The following MOGS variants were observed in gnomAD, a reference collection of about 807,000 sequenced individuals.
MOGS encodes the protein epididymis secretory sperm binding protein.
In MOGS, 45 loss-of-function variants were observed where a neutral mutation model predicts 68.5. That is an observed-to-expected ratio of 0.66 (90% CI 0.52 to 0.84). MOGS has a LOEUF of 0.84. Ranked by LOEUF, MOGS falls within the 40% of genes least tolerant of loss-of-function variation. MOGS has a pLI of 0.00. For synonymous variants in MOGS, 492 were observed against 461.2 expected, an observed-to-expected ratio of 1.07 and a Z score of -0.86; for missense variants, 1,020 against 1,095.0, an observed-to-expected ratio of 0.93 and a Z score of 0.97.
Position 74,462,320 on chromosome 2 carries a change from A to C in MOGS, c.1469T>G (p.Leu490Arg). The C allele has an allele frequency of 6.2e-7, 1 of 1,613,952 alleles. No individual in the cohort carries two copies. Among genetic ancestry groups the C allele is most frequent in the Non-Finnish European group, 8.5e-7 (1 of 1,180,004 alleles). The change falls in exon 4 of 4, where the codon CTG becomes CGG. Residue 490 changes from leucine to arginine, a missense_variant. Around this residue, in one of 3 missense-constraint regions of MOGS, gnomAD observed 181 missense variants for 261.8 expected, o/e 0.69. Transcript: ENST00000448666. ...CACCCGGGCTCGGGCCTCATCCCCC[A>C]GTATCTGCTCCCTCCCAATCCAGCC... ...ADGWIGREQI[L>R]GDEARARVPP...
chr2:74,464,606 CGAA>C lies in MOGS; in HGVS notation c.466_468del (p.Phe156del), dbSNP rs1206965435. 1.2e-6 allele frequency: 2 copies of C among 1,613,940 alleles called. No homozygotes were observed. The highest frequency in any genetic ancestry group is 1.7e-6 in the Non-Finnish European group (2 of 1,180,032). On this transcript the variant is annotated inframe_deletion, in exon 2 of 4. Coordinates refer to ENST00000448666, the MANE Select transcript of MOGS (RefSeq NM_006302.3). Reference sequence around the variant, plus strand: ...GCCCCATCCTGGATGTGTTGGCGCCCGAAGGAGAGGCCGTCGTGGAACTCCCAG... The same window carrying C: ...GCCCCATCCTGGATGTGTTGGCGCCCGGAGAGGCCGTCGTGGAACTCCCAG...
Position 74,461,805 on chromosome 2 carries a change from C to T in MOGS, c.1984G>A (p.Val662Ile), listed in dbSNP as rs1178747440. Residue 662 changes from valine to isoleucine, a missense_variant, in exon 4 of 4, where the codon GTA becomes ATA. By Grantham distance (29) the Val-to-Ile change is conservative. Around this residue, in one of 3 missense-constraint regions of MOGS, gnomAD observed 270 missense variants for 261.3 expected, o/e 1.03. Transcript: ENST00000448666. Reference sequence around the variant, plus strand: ...TGAGGGGGCCTGGGCTTCAGCTGTACTGCTTTTGTGTGGTTCCCAAAGTCT... The same window carrying T: ...TGAGGGGGCCTGGGCTTCAGCTGTATTGCTTTTGTGTGGTTCCCAAAGTCT... The part of the protein sequence containing the change: ...FADFGNHTKA[V>I]QLKPRPPQGL... 1 of 1,614,080 alleles carries T rather than the reference C, an allele frequency of 6.2e-7. No homozygotes were observed. The highest frequency in any genetic ancestry group is 1.3e-5 in the African/African-American group (1 of 74,924).
At position 74,463,252 on chromosome 2, in the gene MOGS, A is replaced by G; in HGVS notation, c.714T>C (p.Gly238=). ...KFISGHTSEL[G]DFRFTLLPPT... The stretch of plus-strand genomic sequence containing the variant: ...GTGGCAAAAGTGTAAAGCGGAAGTC[A>G]CCAAGTTCACTGGTGTGCCCACTGA... Residue 238 remains glycine (G), a synonymous_variant, in exon 3 of 4, where the codon GGT becomes GGC. Coordinates refer to ENST00000448666, the MANE Select transcript of MOGS (RefSeq NM_006302.3). The G allele has an allele frequency of 6.2e-7, 1 of 1,614,186 alleles. No homozygotes were observed. The highest frequency in any genetic ancestry group is 8.5e-7 in the Non-Finnish European group (1 of 1,180,030).
Position 74,461,845 on chromosome 2 carries a change from C to T in MOGS, c.1944G>A (p.Glu648=), listed in dbSNP as rs201547060. The T allele has an allele frequency of 1.9e-4, 307 of 1,614,150 alleles. 2 individuals are homozygous for T. In the African/African-American group the frequency reaches 3.7e-3, roughly 19 times the overall value. The change falls in exon 4 of 4, where the codon GAG becomes GAA. Residue 648 remains glutamate (E), a synonymous_variant. Coordinates refer to ENST00000448666, the MANE Select transcript of MOGS (RefSeq NM_006302.3). ...ESLDELHWAP[E]LGVFADFGNH... ...TCCCAAAGTCTGCAAAGACTCCTAG[C>T]TCTGGGGCCCAGTGCAGCTCATCCA...
Position 74,462,858 on chromosome 2 carries a change from G to C in MOGS, c.931C>G (p.Pro311Ala), listed in dbSNP as rs753466617. 9 of 1,614,164 alleles carry C rather than the reference G, an allele frequency of 5.6e-6. No homozygotes were observed. In the Admixed American group the frequency reaches 1.5e-4, roughly 27 times the overall value. Residue 311 changes from proline to alanine, a missense_variant, in exon 4 of 4, where the codon CCA becomes GCA. By Grantham distance (27) the Pro-to-Ala change is conservative. Transcript: ENST00000448666. Reference protein sequence around the residue: ...PGSLKWEDRGPSGQGQGQFLI... With the variant: ...PGSLKWEDRGASGQGQGQFLI... ...AACTGCCCCTGCCCTTGCCCACTTGGACCTCTGTCCTCCCACTTCAGGGAT... is the reference window on the plus strand; with the variant it reads ...AACTGCCCCTGCCCTTGCCCACTTGCACCTCTGTCCTCCCACTTCAGGGAT...
Position 74,461,763 on chromosome 2 carries a change from C to G in MOGS, c.2026G>C (p.Val676Leu), listed in dbSNP as rs762931646. The G allele has an allele frequency of 6.2e-7, 1 of 1,614,222 alleles. No individual in the cohort carries two copies. The highest frequency in any genetic ancestry group is 1.1e-5 in the South Asian group (1 of 91,088). ...PRPPQGLVRVVGRPQPQLQYV... is the reference protein window; with the variant it reads ...PRPPQGLVRVLGRPQPQLQYV... ...TGCAGTTGAGGTTGGGGCCGACCCA[C>G]CACCCGAACGAGCCCCTGAGGGGGC... The change falls in exon 4 of 4, where the codon GTG (valine) becomes CTG (leucine). Residue 676 changes from valine to leucine, a missense_variant. Coordinates refer to ENST00000448666, the MANE Select transcript of MOGS (RefSeq NM_006302.3).
Position 74,462,005 on chromosome 2 carries a change from TCGGTTAC to T in MOGS, c.1777_1783del (p.Val593SerfsTer17). 1 of 1,614,010 alleles carries T rather than the reference TCGGTTAC, an allele frequency of 6.2e-7. No individual in the cohort carries two copies. Among genetic ancestry groups the T allele is most frequent in the Non-Finnish European group, 8.5e-7 (1 of 1,179,978 alleles). ...CCAACATCGCAGGTCCAGGTGCCGCTCGGTTACTGAAGGGTGTGAAGCCCGGGGGTAG... is the reference window on the plus strand; with the variant it reads ...CCAACATCGCAGGTCCAGGTGCCGCTTGAAGGGTGTGAAGCCCGGGGGTAG... On this transcript the variant is annotated frameshift_variant, in exon 4 of 4. Transcript: ENST00000448666. LOFTEE classifies it high-confidence loss of function.
intron 2 of MOGS, chr2:74,463,660 C>CTTTTTTTTTTTT: frequency 5.3e-6 from 1 of 188,218 alleles, no homozygotes; most frequent in Non-Finnish European, 9.8e-6. Context: ...TCATTTAATT[C>CTTTTTTTTTTTT]TTTTTTTTTT....
Position 74,465,316 on chromosome 2 carries a change from C to G in MOGS, c.-69G>C, listed in dbSNP as rs1672039550. On this transcript the variant is annotated 5_prime_UTR_variant, in exon 1 of 4. Transcript: ENST00000448666. ...GTGGAGCCCGGGTCCTGCCTCACCT[C>G]TCCGGCTCCCGCCTCTCGCCCTGGC... 8.4e-7 allele frequency: 1 copy of G among 1,183,614 alleles called. No individual in the cohort carries two copies. The highest frequency in any genetic ancestry group is 1.1e-6 in the Non-Finnish European group (1 of 918,460). 73.3% of individuals were successfully genotyped at this position (1,183,614 alleles called of 1,614,324 possible). A position where few individuals can be genotyped will look rare whatever the true frequency, so the allele number is the denominator to read the frequency against.
In MOGS at chr2:74,464,852, C is replaced by T. The variant is rs181779817; in HGVS notation, c.352+44G>A. On this transcript the variant is annotated intron_variant, in intron 1 of 3. Coordinates refer to ENST00000448666, the MANE Select transcript of MOGS (RefSeq NM_006302.3). Reference sequence around the variant, plus strand: ...TGCTCTCGCTTCAAGCTGGGGCGCCCAGATTAGGAGTCCGCCTGCCTGCCC... The same window carrying T: ...TGCTCTCGCTTCAAGCTGGGGCGCCTAGATTAGGAGTCCGCCTGCCTGCCC... 216 of 1,585,092 alleles carry T rather than the reference C, an allele frequency of 1.4e-4. No individual in the cohort carries two copies. The East Asian group carries it at 4.6e-3, about 34-fold the overall frequency.
rs188713784 is a variant in MOGS at position 74,462,911 on chromosome 2, G to C, written c.878C>G (p.Pro293Arg). ...SWFQHRPPGA[P>R]PERYLGLPGS... Reference sequence around the variant, plus strand: ...TGGCAAGCCGAGGTAGCGTTCAGGGGGGGCCCCTGGGGGCCGATGCTGAAA... The same window carrying C: ...TGGCAAGCCGAGGTAGCGTTCAGGGCGGGCCCCTGGGGGCCGATGCTGAAA... The change falls in exon 4 of 4, where the codon CCC (proline) becomes CGC (arginine). Residue 293 changes from proline (P) to arginine (R), a missense_variant. Transcript: ENST00000448666. The C allele has an allele frequency of 3.2e-5, 51 of 1,614,166 alleles. No homozygotes were observed. The East Asian group carries it at 6.7e-4, about 21-fold the overall frequency.
rs765917880 is a variant in MOGS at position 74,462,517 on chromosome 2, C to T, written c.1272G>A (p.Val424=). 28 of 1,607,570 alleles carry T rather than the reference C, an allele frequency of 1.7e-5. No individual in the cohort carries two copies. The highest frequency in any genetic ancestry group is 2.2e-5 in the Non-Finnish European group (26 of 1,175,752). The change falls in exon 4 of 4, where the codon GTG becomes GTA. Residue 424 remains valine, a synonymous_variant. Coordinates refer to ENST00000448666, the MANE Select transcript of MOGS (RefSeq NM_006302.3). ...DIGVEGSEQK[V]DPALFPPVPL... is the part of the protein sequence containing the mutation. ...GTACGGGTGGAAAGAGGGCTGGGTC[C>T]ACCTTCTGCTCAGACCCTTCCACCC...
chr2:74,461,250 C>A lies in MOGS; in HGVS notation c.*25G>T, dbSNP rs1188572163. ...TTCAGAGCCAGAGTGGCATGAGTGT[C>A]TTGGCTCCCCTCCTCTCCCTCCCTT... On this transcript the variant is annotated 3_prime_UTR_variant, in exon 4 of 4. Coordinates refer to ENST00000448666, the MANE Select transcript of MOGS (RefSeq NM_006302.3). 2 of 1,613,328 alleles carry A rather than the reference C, an allele frequency of 1.2e-6. No homozygotes were observed. Among genetic ancestry groups the A allele is most frequent in the Admixed American group, 3.3e-5 (2 of 60,030 alleles).
chr2:74,462,693 C>T lies in MOGS; in HGVS notation c.1096G>A (p.Glu366Lys). Reference sequence around the variant, plus strand: ...TTCTCAAAGCGCTCTCTAAAGCCTTCAGCATGGCTCTCCAGGGCCTGGGTC... The same window carrying T: ...TTCTCAAAGCGCTCTCTAAAGCCTTTAGCATGGCTCTCCAGGGCCTGGGTC... ...LLTQALESHAEGFRERFEKTF... is the reference protein window; with the variant it reads ...LLTQALESHAKGFRERFEKTF... The change falls in exon 4 of 4, where the codon GAA (glutamate) becomes AAA (lysine). Residue 366 changes from glutamate to lysine, a missense_variant. Physicochemically the swap from Glu to Lys is moderately conservative, Grantham distance 56. Around this residue, in one of 3 missense-constraint regions of MOGS, gnomAD observed 569 missense variants for 571.9 expected, o/e 0.99. Coordinates refer to ENST00000448666, the MANE Select transcript of MOGS (RefSeq NM_006302.3). 6.2e-7 allele frequency: 1 copy of T among 1,614,266 alleles called. No homozygotes were observed. Among genetic ancestry groups the T allele is most frequent in the Middle Eastern group, 1.6e-4 (1 of 6,062 alleles).
chr2:74,462,994 G>A lies in MOGS; in HGVS notation c.795C>T (p.Thr265=). 6.2e-7 allele frequency: 1 copy of A among 1,614,058 alleles called. No individual in the cohort carries two copies. Among genetic ancestry groups the A allele is most frequent in the Non-Finnish European group, 8.5e-7 (1 of 1,180,034 alleles). Residue 265 remains threonine, a synonymous_variant, in exon 4 of 4, where the codon ACC becomes ACT. Coordinates refer to ENST00000448666, the MANE Select transcript of MOGS (RefSeq NM_006302.3). ...TCAGCAGGGGCAGTCCTGGGTTGGA[G>A]GTCCAGAAGACATTGTAGCTTGAAG... ...PKYGSYNVFW[T]SNPGLPLLTE...
At chr2:74,463,169 A>G (rs1399212558) in intron 3 of MOGS, 21 bp downstream of exon 3, 10 of 1,613,852 alleles carry the variant, frequency 6.2e-6, no homozygotes, top group Non-Finnish European at 8.5e-6. Flanking sequence ...CCATCCCCCA[A>G]CATTCTTTTC....
Position 74,463,398 on chromosome 2 carries a change from A to G in MOGS, c.580-12T>C. 2 of 1,612,700 alleles carry G rather than the reference A, an allele frequency of 1.2e-6. No homozygotes were observed. Among genetic ancestry groups the G allele is most frequent in the Middle Eastern group, 1.7e-4 (1 of 6,058 alleles). On this transcript the variant is annotated splice_polypyrimidine_tract_variant and intron_variant, in intron 2 of 3. Coordinates refer to ENST00000448666, the MANE Select transcript of MOGS (RefSeq NM_006302.3). Reference sequence around the variant, plus strand: ...GAAGTACCTGAGTCCTGAGTGACCAACGAGGACAGAAAAGAACAGTGTTAG... The same window carrying G: ...GAAGTACCTGAGTCCTGAGTGACCAGCGAGGACAGAAAAGAACAGTGTTAG...
Position 74,461,420 on chromosome 2 carries a change from T to C in MOGS, c.2369A>G (p.Asn790Ser). The C allele has an allele frequency of 6.2e-7, 1 of 1,614,210 alleles. No individual in the cohort carries two copies. The highest frequency in any genetic ancestry group is 8.5e-7 in the Non-Finnish European group (1 of 1,180,038). Residue 790 changes from asparagine to serine, a missense_variant, in exon 4 of 4, where the codon AAC becomes AGC. This residue lies in a region of MOGS where 270 missense variants were observed against 261.3 expected (regional missense o/e 1.03). Coordinates refer to ENST00000448666, the MANE Select transcript of MOGS (RefSeq NM_006302.3). ...CTGGCGCCATACATTGCCTACCACG[T>C]TGGCACGGAGCTCACCGTGGAGTTT... ...AAKLHGELRA[N>S]VVGNVWRQYQ...
intron 2 of MOGS, 97 bp downstream of exon 2, chr2:74,464,399 G>A: frequency 8.4e-7 from 1 of 1,194,526 alleles, no homozygotes; most frequent in Non-Finnish European, 1.2e-6. Flanking sequence ...CAGGATTTAA[G>A]CCAGGCAGCC....
Sources: allele counts gnomAD v4.1 joint callset, GRCh38; gene constraint gnomAD v4.1.1; regional missense constraint gnomAD v4.1.1; transcripts MANE v1.5; gene names NCBI Gene and HGNC (gene_info 2026-07-23, HGNC 2026-07-21).